Variants in FBXL17 observed in about 807,000 individuals in gnomAD.
The protein encoded by FBXL17 is F-box and leucine rich repeat protein 17.
FBXL17 carries 22 observed loss-of-function variants against 66.2 expected under a neutral mutation model. That is an observed-to-expected ratio of 0.33 (90% CI 0.24 to 0.47). FBXL17 has a LOEUF of 0.47. Among genes scored for constraint, FBXL17 ranks in the 20% least tolerant of loss-of-function variants. FBXL17 has a pLI of 1.00. For synonymous variants in FBXL17, 474 were observed against 400.5 expected (o/e 1.18, Z -2.19); for missense variants, 878 against 948.2 (o/e 0.93, Z 0.97).
intron 8 of FBXL17, among the ~76,000 whole-genome samples, chr5:107,872,471 CA>C (rs1214525096): frequency 6.6e-6 from 1 of 152,180 alleles, no homozygotes; most frequent in African/African-American, 2.4e-5. Flanking sequence ...TTTCACAAAC[CA>C]AAACTGTAGA....
intron 7 of FBXL17, among the ~76,000 whole-genome samples, chr5:108,013,949 A>C (rs1754279956): frequency 6.6e-6 from 1 of 152,170 alleles, no homozygotes; most frequent in Admixed American, 6.5e-5. Flanking sequence ...TATTGCAATT[A>C]TCTTGGTATT....
intron 6 of FBXL17, among the ~76,000 whole-genome samples, chr5:108,098,517 G>A (rs1019077064): frequency 1.8e-4 from 28 of 152,044 alleles, no homozygotes; most frequent in Admixed American, 2.0e-4. Context: ...AGGCCGAGGC[G>A]GGTGGATCAC....
intron 6 of FBXL17, among the ~76,000 whole-genome samples, chr5:108,041,100 T>A (rs542722814): frequency 2.2e-3 from 337 of 152,326 alleles, no homozygotes; most frequent in African/African-American, 7.6e-3. Flanking sequence ...AATGATGTAA[T>A]ATATGTACAG....
intron 7 of FBXL17, among the ~76,000 whole-genome samples, chr5:107,939,538 T>G (rs114777635): frequency 0.01 from 1,577 of 152,218 alleles, 29 homozygotes; most frequent in African/African-American, 0.036. Context: ...AGTATTAGTG[T>G]GTATCCAACT....
intron 4 of FBXL17, among the ~76,000 whole-genome samples, chr5:108,258,625 C>T (rs927196226): frequency 1.3e-5 from 2 of 152,082 alleles, no homozygotes; most frequent in Non-Finnish European, 2.9e-5. Context: ...GTCAAAAAAC[C>T]TGGGCTCTAA....
intron 7 of FBXL17, among the ~76,000 whole-genome samples, chr5:108,011,179 T>C (rs1754157197): frequency 6.6e-6 from 1 of 152,258 alleles, no homozygotes; most frequent in Non-Finnish European, 1.5e-5. Context: ...ATAAATCATG[T>C]GTTATGTGTC....
rs900864851 is a variant in FBXL17, at chr5:107,945,987, A to G, written c.1823-64808T>C. On this transcript the variant is annotated intron_variant, in intron 7 of 8. Coordinates refer to ENST00000542267, the MANE Select transcript of FBXL17 (RefSeq NM_001163315.3). ...ATAATCTAACAGCCAGACATATTCC[A>G]GTGCATTGAAATAGAGATTTTAAAG... 5.9e-5 allele frequency among the ~76,000 whole-genome samples: 9 copies of G among 152,076 alleles called. No individual in the cohort carries two copies. In the East Asian group the frequency reaches 1.6e-3, roughly 26 times the overall value.
At chr5:108,319,475 T>C (rs549584657) in intron 4 of FBXL17, among the ~76,000 whole-genome samples, 163 of 151,952 alleles carry the variant, frequency 1.1e-3, no homozygotes, top group African/African-American at 3.7e-3. Context: ...AAAAAAACAA[T>C]ATTTTTCAAC....
chr5:108,081,518 G>A (rs927932236), intron 6 of FBXL17, among the ~76,000 whole-genome samples: 1 of 151,950 alleles, frequency 6.6e-6, no homozygotes, highest in South Asian at 2.1e-4. Context: ...TCAGGAAATC[G>A]AGACCATCCT....
At chr5:108,035,569 G>T (rs558534871) in intron 6 of FBXL17, among the ~76,000 whole-genome samples, 1 of 152,070 alleles carries the variant, frequency 6.6e-6, no homozygotes, top group African/African-American at 2.4e-5. Context: ...GTTTCTCCAT[G>T]TTGGTCAGGC....
At chr5:108,038,722 C>T (rs2112798636) in intron 6 of FBXL17, among the ~76,000 whole-genome samples, 1 of 152,024 alleles carries the variant, frequency 6.6e-6, no homozygotes, top group Non-Finnish European at 1.5e-5. Flanking sequence ...TTGATAAAGG[C>T]AATTCACAAA....
At chr5:108,248,785 T>C (rs1180622626) in intron 4 of FBXL17, among the ~76,000 whole-genome samples, 1 of 152,074 alleles carries the variant, frequency 6.6e-6, no homozygotes, top group Non-Finnish European at 1.5e-5. Context: ...CAGATGGAAG[T>C]AGGGCAATAT....
chr5:107,919,145 T>C (rs1267878809), intron 7 of FBXL17, among the ~76,000 whole-genome samples: 1 of 152,158 alleles, frequency 6.6e-6, no homozygotes, highest in East Asian at 1.9e-4. Flanking sequence ...GAAAAAAAAT[T>C]GCAGGGTCCT....
In FBXL17 at chr5:108,232,375, G is replaced by A. The variant is rs143240347; in HGVS notation, c.1507-8147C>T. The stretch of plus-strand genomic sequence containing the variant: ...TATTATGTATGATCTCAGGAGATGT[G>A]TATGGGTTCAAGTTGGCAAGGGGTG... On this transcript the variant is annotated intron_variant, in intron 4 of 8. Coordinates refer to ENST00000542267, the MANE Select transcript of FBXL17 (RefSeq NM_001163315.3). 3.2e-3 allele frequency among the ~76,000 whole-genome samples: 488 copies of A among 152,168 alleles called. 2 individuals carry two copies. The highest frequency in any genetic ancestry group is 0.01 in the South Asian group (50 of 4,820).
chr5:107,888,947 A>G (rs2112513700), intron 7 of FBXL17, among the ~76,000 whole-genome samples: 1 of 152,300 alleles, frequency 6.6e-6, no homozygotes, highest in South Asian at 2.1e-4. Context: ...ACCATTTCAC[A>G]TTCCCACCAG....
chr5:108,220,270 G>C (rs893008956), intron 5 of FBXL17, among the ~76,000 whole-genome samples: 3 of 152,054 alleles, frequency 2.0e-5, no homozygotes, highest in African/African-American at 7.2e-5. Flanking sequence ...TCTGAAATCT[G>C]GCTGTTTTGG....
chr5:107,925,051 T>C (rs757138232), intron 7 of FBXL17, among the ~76,000 whole-genome samples: 17 of 152,212 alleles, frequency 1.1e-4, no homozygotes, highest in Non-Finnish European at 2.2e-4. Flanking sequence ...AGTCTCCAAG[T>C]GCTTCAGCAA....
At chr5:107,871,069 A>AAAAAAAAAAAAAAAAAAAAC (rs1456052737) in intron 8 of FBXL17, among the ~76,000 whole-genome samples, 1 of 130,174 alleles carries the variant, frequency 7.7e-6, no homozygotes, top group African/African-American at 3.2e-5. Context: ...AAAAAAAAAA[A>AAAAAAAAAAAAAAAAAAAAC]AAAAAAAAAA....
intron 6 of FBXL17, among the ~76,000 whole-genome samples, chr5:108,184,280 C>T (rs1321707778): frequency 1.3e-5 from 2 of 151,928 alleles, no homozygotes; most frequent in East Asian, 1.9e-4. Flanking sequence ...AAAACTTAGT[C>T]GGATGTGGTG....
Sources: gnomAD v4.1 joint callset for allele counts (sites outside exome capture counted in the v4.1 genomes callset) on GRCh38, gnomAD v4.1.1 for gene constraint, MANE v1.5 for transcripts, NCBI Gene and HGNC (gene_info 2026-07-23, HGNC 2026-07-21) for gene names.